Variants in HEATR4 observed in about 807,000 individuals in gnomAD.
HEATR4 encodes the protein HEAT repeat containing 4, also known as HEAT repeat-containing protein 4.
In HEATR4, 95 loss-of-function variants were observed where a neutral mutation model predicts 108.8. The observed-to-expected ratio is 0.87, with a 90% CI of 0.74 to 1.04. HEATR4 has a LOEUF of 1.04. Among genes scored for constraint, HEATR4 ranks in the 50% least tolerant of loss-of-function variants. The pLI is 0.00. For missense variants in HEATR4, 1,152 were observed against 1,253.8 expected, an observed-to-expected ratio of 0.92 and a Z score of 1.23; for synonymous variants, 443 against 459.4, an observed-to-expected ratio of 0.96 and a Z score of 0.46.
At chr14:73,588,410 T>C in the HEATR4 span, among the ~76,000 whole-genome samples, 8 of 152,138 alleles carry the variant, frequency 5.3e-5, no homozygotes, top group Non-Finnish European at 1.2e-4. Flanking sequence ...CTGCTCAGCA[T>C]GTATTACACT....
At chr14:73,612,484 C>T in the HEATR4 span, 17 of 925,604 alleles carry the variant, frequency 1.8e-5, no homozygotes, top group South Asian at 4.0e-4. Flanking sequence ...GGGCTCCGCC[C>T]TCGACTACTT....
chr14:73,522,158 A>G, intron 3 of HEATR4, 114 bp downstream of exon 3: 1 of 1,085,936 alleles, frequency 9.2e-7, no homozygotes, highest in Non-Finnish European at 1.3e-6. Context: ...GTGGTGGAGA[A>G]CATGAAGTTG....
intron 2 of HEATR4, 50 bp from the exon 3 acceptor site, chr14:73,523,274 T>G: frequency 1.1e-6 from 1 of 945,356 alleles, no homozygotes. Context: ...CAGCAGAAAT[T>G]GGTAGCCCAT....
chr14:73,597,373 C>A, the HEATR4 span, among the ~76,000 whole-genome samples: 4 of 151,758 alleles, frequency 2.6e-5, no homozygotes, highest in Non-Finnish European at 5.9e-5. Flanking sequence ...CGTGAGCCAC[C>A]ATGCCCGGCC....
the HEATR4 span, among the ~76,000 whole-genome samples, chr14:73,577,738 G>A: frequency 5.3e-5 from 8 of 152,148 alleles, no homozygotes; most frequent in African/African-American, 1.9e-4. Context: ...GAGCTGGTGG[G>A]TGTAGAAGCA....
chr14:73,500,480 G>A (rs1279325422), intron 12 of HEATR4, 70 bp downstream of exon 12: 12 of 1,480,776 alleles, frequency 8.1e-6, no homozygotes, highest in Non-Finnish European at 1.1e-5. Context: ...AGCATACTGT[G>A]CACAACCAGG....
chr14:73,617,590 T>C, the HEATR4 span, among the ~76,000 whole-genome samples: 1 of 152,230 alleles, frequency 6.6e-6, no homozygotes, highest in African/African-American at 2.4e-5. Context: ...GTTCCAGCTC[T>C]GCATCTACCA....
the HEATR4 span, among the ~76,000 whole-genome samples, chr14:73,576,907 CCT>C: frequency 7.2e-6 from 1 of 138,236 alleles, no homozygotes; most frequent in Non-Finnish European, 1.6e-5. Flanking sequence ...GGAAAAAAAA[CCT>C]TAATTTATTA....
the HEATR4 span, among the ~76,000 whole-genome samples, chr14:73,613,318 C>A: frequency 5.3e-5 from 8 of 152,060 alleles, no homozygotes; most frequent in African/African-American, 1.9e-4. Context: ...GGAGGCACCA[C>A]CACTTTAGCT....
At chr14:73,619,177 T>C in the HEATR4 span, 1 of 1,509,908 alleles carries the variant, frequency 6.6e-7, no homozygotes. Context: ...AAAATCACTG[T>C]CTGTGTCCTC....
At position 73,550,539 on chromosome 14, in the gene HEATR4, T is replaced by C. The variant is rs112146071; in HGVS notation, c.-152+8212A>G. Among the ~76,000 whole-genome samples the C allele has an allele frequency of 8.9e-3, 989 of 110,698 alleles. 106 individuals are homozygous for C. The highest frequency in any genetic ancestry group is 0.028 in the African/African-American group (899 of 31,878). 72.6% of individuals were successfully genotyped at this position (110,698 alleles called of 152,430 possible). On this transcript the variant is annotated intron_variant, in intron 1 of 17. Transcript: ENST00000553558. ...CAGAAGACCACCCGGAACATGCTTA[T>C]TAGCAACACCTCTTCCCACCACCTT... is the stretch of plus-strand genomic sequence containing the variant.
At chr14:73,521,386 G>A (rs559574208) in intron 3 of HEATR4, among the ~76,000 whole-genome samples, 8 of 152,218 alleles carry the variant, frequency 5.3e-5, no homozygotes, top group African/African-American at 1.7e-4. Context: ...CACCTCCTTC[G>A]TCATCTCACT....
At chr14:73,553,622 T>C (rs58748423) in intron 1 of HEATR4, among the ~76,000 whole-genome samples, 5,813 of 114,550 alleles carry the variant, frequency 0.051, 1,233 homozygotes, top group African/African-American at 0.16. Flanking sequence ...TATAGGAGAC[T>C]ATTGTTTTGC....
At chr14:73,590,992 A>G in the HEATR4 span, among the ~76,000 whole-genome samples, 1 of 152,262 alleles carries the variant, frequency 6.6e-6, no homozygotes, top group Non-Finnish European at 1.5e-5. Context: ...ACGTATCACT[A>G]GCACTTTGGG....
the HEATR4 span, chr14:73,611,593 G>A: frequency 6.6e-6 from 1 of 152,212 alleles, no homozygotes; most frequent in Non-Finnish European, 1.5e-5. Flanking sequence ...GATTAGATTT[G>A]TGAGGTAAGA....
chr14:73,490,475 C>T (rs377657060), intron 17 of HEATR4, among the ~76,000 whole-genome samples: 1 of 152,162 alleles, frequency 6.6e-6, no homozygotes, highest in East Asian at 1.9e-4. Context: ...GCACCACGTC[C>T]GGCTAGTTTT....
At chr14:73,521,084 G>T in intron 3 of HEATR4, 45 bp from the exon 4 acceptor site, 1 of 1,525,454 alleles carries the variant, frequency 6.6e-7, no homozygotes, top group Non-Finnish European at 9.0e-7. Context: ...AAGAGTAGGA[G>T]GTGGATCCCC....
the HEATR4 span, chr14:73,592,235 C>T: frequency 6.2e-7 from 1 of 1,613,200 alleles, no homozygotes; most frequent in Admixed American, 1.7e-5. Flanking sequence ...CTTTTTGGCG[C>T]TTCCTGAAGC....
chr14:73,521,132 T>A (rs1022049686), intron 3 of HEATR4, 93 bp from the exon 4 acceptor site: 22 of 1,088,140 alleles, frequency 2.0e-5, no homozygotes, highest in Non-Finnish European at 2.9e-5. Context: ...CTTTCCTCTT[T>A]AAGCTCAGCT....
Sources: allele counts gnomAD v4.1 joint callset (sites outside exome capture counted in the v4.1 genomes callset), GRCh38; gene constraint gnomAD v4.1.1; transcripts MANE v1.5; gene names NCBI Gene and HGNC (gene_info 2026-07-23, HGNC 2026-07-21).